DPP10: variants seen among roughly 807,000 people sequenced by gnomAD.
The protein encoded by DPP10 is inactive dipeptidyl peptidase 10.
Under a neutral mutation model 120.9 loss-of-function variants are expected in DPP10, and 33 were observed. The observed-to-expected ratio is 0.27, with a 90% CI of 0.21 to 0.37. The LOEUF is 0.37. Among genes scored for constraint, DPP10 ranks in the 10% least tolerant of loss-of-function variants. DPP10 has a pLI of 1.00. For synonymous variants in DPP10, 337 were observed against 326.1 expected (o/e 1.03, Z -0.36); for missense variants, 816 against 942.8 (o/e 0.87, Z 1.76).
intron 7 of DPP10, among the ~76,000 whole-genome samples, chr2:115,708,361 G>T (rs1179106590): frequency 2.0e-5 from 3 of 151,918 alleles, no homozygotes; most frequent in African/African-American, 4.8e-5. Context: ...ATTGAAGTTG[G>T]CTATTAAAAG....
At chr2:114,666,478 G>A (rs1278983585) in intron 1 of DPP10, among the ~76,000 whole-genome samples, 1 of 152,148 alleles carries the variant, frequency 6.6e-6, no homozygotes, top group Non-Finnish European at 1.5e-5. Flanking sequence ...AGACCTATTA[G>A]TAGGAGCCAT....
At chr2:115,443,620 A>G (rs1517363) in intron 3 of DPP10, among the ~76,000 whole-genome samples, 2,029 of 152,280 alleles carry the variant, frequency 0.013, 23 homozygotes, top group Non-Finnish European at 0.021. Flanking sequence ...TTAGGTCAAG[A>G]TTATGATTCA....
chr2:115,326,606 C>A (rs1174732544), intron 2 of DPP10, among the ~76,000 whole-genome samples: 2 of 151,904 alleles, frequency 1.3e-5, no homozygotes, highest in Non-Finnish European at 2.9e-5. Flanking sequence ...CTTATTTACC[C>A]TGAAGACCTT....
chr2:114,903,808 C>T (rs1033773018), intron 1 of DPP10, among the ~76,000 whole-genome samples: 2 of 152,086 alleles, frequency 1.3e-5, no homozygotes, highest in Non-Finnish European at 1.5e-5. Flanking sequence ...GTGTATCTCT[C>T]CATGCACATA....
intron 1 of DPP10, among the ~76,000 whole-genome samples, chr2:114,803,683 T>C (rs1220316339): frequency 6.6e-6 from 1 of 152,152 alleles, no homozygotes; most frequent in Non-Finnish European, 1.5e-5. Context: ...TTGAGAAAGA[T>C]GATTTAGGGC....
intron 1 of DPP10, among the ~76,000 whole-genome samples, chr2:114,594,384 G>A (rs1440760007): frequency 7.1e-6 from 1 of 141,170 alleles, no homozygotes; most frequent in Non-Finnish European, 1.5e-5. Context: ...ATATATATAT[G>A]TGTATATATA....
At chr2:114,707,366 C>T (rs1390596775) in intron 1 of DPP10, among the ~76,000 whole-genome samples, 1 of 152,100 alleles carries the variant, frequency 6.6e-6, no homozygotes, top group Non-Finnish European at 1.5e-5. Context: ...ATTTAGATAA[C>T]CAAATTTCAA....
intron 1 of DPP10, among the ~76,000 whole-genome samples, chr2:115,253,175 G>A (rs1055565326): frequency 1.3e-5 from 2 of 152,052 alleles, no homozygotes; most frequent in Admixed American, 6.6e-5. Context: ...GAGAGGGAGT[G>A]GGGGAGGTGC....
chr2:115,755,805 A>G (rs987962424), intron 11 of DPP10, among the ~76,000 whole-genome samples: 4 of 152,042 alleles, frequency 2.6e-5, no homozygotes, highest in African/African-American at 7.2e-5. Flanking sequence ...TCTGATGTTT[A>G]CTGCAGCTGT....
intron 1 of DPP10, among the ~76,000 whole-genome samples, chr2:114,522,235 C>T (rs547819191): frequency 9.4e-4 from 143 of 152,010 alleles, no homozygotes; most frequent in Non-Finnish European, 1.7e-3. Flanking sequence ...CCGCCCGCCT[C>T]GGCCTCCCAA....
chr2:114,589,104 T>C (rs919169968), intron 1 of DPP10, among the ~76,000 whole-genome samples: 3 of 151,990 alleles, frequency 2.0e-5, no homozygotes, highest in Admixed American at 2.0e-4. Flanking sequence ...TTGTAGCACC[T>C]TACTAGTGAG....
intron 1 of DPP10, among the ~76,000 whole-genome samples, chr2:115,048,560 A>G (rs975057393): frequency 1.3e-5 from 2 of 152,122 alleles, no homozygotes; most frequent in African/African-American, 4.8e-5. Flanking sequence ...ATAAAGTCCA[A>G]GCTAAGCAGG....
At chr2:115,311,725 A>G (rs1246755354) in intron 2 of DPP10, among the ~76,000 whole-genome samples, 4 of 152,174 alleles carry the variant, frequency 2.6e-5, no homozygotes, top group African/African-American at 9.6e-5. Flanking sequence ...ACTTAATTTC[A>G]TATGATATTA....
At position 115,804,844 on chromosome 2, in the gene DPP10, G is replaced by C. The variant is rs181816936; in HGVS notation, c.1701-9949G>C. The stretch of plus-strand genomic sequence containing the variant: ...TGTGAGGTGTCAGTCTGCCCCTTCT[G>C]GGGAGTGCCTCCCAGTTAGGCTACT... On this transcript the variant is annotated intron_variant, in intron 19 of 25. Coordinates refer to ENST00000410059, the MANE Select transcript of DPP10 (RefSeq NM_020868.6). 1.6e-4 allele frequency among the ~76,000 whole-genome samples: 24 copies of C among 152,302 alleles called. No individual in the cohort carries two copies. In the East Asian group the frequency reaches 4.5e-3, roughly 28 times the overall value.
chr2:114,708,735 AC>A (rs145280159), intron 1 of DPP10, among the ~76,000 whole-genome samples: 1,924 of 152,108 alleles, frequency 0.013, 51 homozygotes, highest in African/African-American at 0.045. Context: ...TAACTCGTTT[AC>A]TTTTGTTTGT....
rs572800811 is a variant in DPP10, at chr2:115,788,866, C to T, written c.1532-2215C>T. Among the ~76,000 whole-genome samples, 54 of 152,252 alleles carry T rather than the reference C, an allele frequency of 3.5e-4. 1 individual carries two copies. The South Asian group carries it at 0.011, about 30-fold the overall frequency. On this transcript the variant is annotated intron_variant, in intron 17 of 25. Coordinates refer to ENST00000410059, the MANE Select transcript of DPP10 (RefSeq NM_020868.6). ...GCGCGGTGGCTCACGCCTGTAATCCCAGCACTTTGGGAGGCCGAGGCGGGT... is the reference window on the plus strand; with the variant it reads ...GCGCGGTGGCTCACGCCTGTAATCCTAGCACTTTGGGAGGCCGAGGCGGGT...
chr2:115,302,193 A>G (rs1221440203), intron 1 of DPP10, among the ~76,000 whole-genome samples: 1 of 151,860 alleles, frequency 6.6e-6, no homozygotes, highest in East Asian at 1.9e-4. Flanking sequence ...TATCATGAGA[A>G]GAGCAAGAGG....
chr2:115,475,681 C>A (rs919010493), intron 3 of DPP10, among the ~76,000 whole-genome samples: 2 of 152,190 alleles, frequency 1.3e-5, no homozygotes, highest in East Asian at 3.9e-4. Flanking sequence ...CCCATGAGAA[C>A]AGTTGTGGGG....
chr2:115,589,598 C>T (rs1043770070), intron 5 of DPP10, among the ~76,000 whole-genome samples: 6 of 152,102 alleles, frequency 3.9e-5, no homozygotes, highest in Non-Finnish European at 7.4e-5. Context: ...AATCAATGCT[C>T]AGAATCAAAA....
Sources: allele counts gnomAD v4.1 joint callset (sites outside exome capture counted in the v4.1 genomes callset), GRCh38; gene constraint gnomAD v4.1.1; transcripts MANE v1.5; gene names NCBI Gene and HGNC (gene_info 2026-07-23, HGNC 2026-07-21).